The following FUT8 variants were observed in gnomAD, a reference collection of about 807,000 sequenced individuals.
The protein encoded by FUT8 is alpha-(1,6)-fucosyltransferase.
A neutral mutation model predicts 71.3 loss-of-function variants in FUT8; 29 were observed. That is an observed-to-expected ratio of 0.41 (90% CI 0.30 to 0.55). The LOEUF (loss-of-function observed/expected upper bound fraction) is 0.55. FUT8 is among the 20% of genes least tolerant of loss of function. FUT8 has a pLI of 0.34. For missense variants in FUT8, 544 were observed against 702.1 expected (o/e 0.77, Z 2.55); for synonymous variants, 254 against 239.3 (o/e 1.06, Z -0.57).
At chr14:65,577,842 G>A (rs1886875084) in intron 3 of FUT8, among the ~76,000 whole-genome samples, 1 of 151,938 alleles carries the variant, frequency 6.6e-6, no homozygotes, top group Admixed American at 6.6e-5. Context: ...AGCATAGAAT[G>A]GGCTTTATTT....
At position 65,660,260 on chromosome 14, in the gene FUT8, G is replaced by A. The variant is rs560664702; in HGVS notation, c.598-8983G>A. Reference sequence around the variant, plus strand: ...GAGGTAACAGAATACTGTCTTGAAAGCCTCAGTGGAAGAAATGCCCCACAT... The same window carrying A: ...GAGGTAACAGAATACTGTCTTGAAAACCTCAGTGGAAGAAATGCCCCACAT... On this transcript the variant is annotated intron_variant, in intron 6 of 10. Transcript: ENST00000673929. The surrounding 1 kb of genome is among the most constrained non-coding windows in gnomAD (Gnocchi z 4.1). 2.1e-4 allele frequency among the ~76,000 whole-genome samples: 32 copies of A among 152,202 alleles called. 2 individuals are homozygous for A. In the South Asian group the frequency reaches 6.7e-3, roughly 32 times the overall value.
intron 3 of FUT8, among the ~76,000 whole-genome samples, chr14:65,594,123 C>T (rs1016443504): frequency 6.6e-5 from 10 of 152,148 alleles, no homozygotes; most frequent in Non-Finnish European, 1.5e-4. Flanking sequence ...TTTTCTTGAC[C>T]CCTTTGTGGG....
intron 7 of FUT8, among the ~76,000 whole-genome samples, chr14:65,690,277 A>G (rs1893508424): frequency 1.3e-5 from 2 of 152,084 alleles, no homozygotes; most frequent in Non-Finnish European, 1.5e-5. Context: ...ATTACTTTAT[A>G]TATAAAGTAA....
At chr14:65,357,561 C>T in the FUT8 span, among the ~76,000 whole-genome samples, 2 of 152,228 alleles carry the variant, frequency 1.3e-5, no homozygotes, top group African/African-American at 4.8e-5. Context: ...CCCAACACAT[C>T]TCCATCATAG....
chr14:65,616,637 G>T (rs995629626), intron 5 of FUT8, among the ~76,000 whole-genome samples: 3 of 152,142 alleles, frequency 2.0e-5, no homozygotes, highest in African/African-American at 7.2e-5. Flanking sequence ...AGTGGTGCCA[G>T]CCAACAATAC....
intron 10 of FUT8, among the ~76,000 whole-genome samples, chr14:65,741,536 T>C (rs1896499902): frequency 6.6e-6 from 1 of 151,970 alleles, no homozygotes; most frequent in Admixed American, 6.6e-5. Flanking sequence ...CTGCACGTTG[T>C]GCACGTGTAC....
In FUT8 at chr14:65,649,369, G is replaced by A. The variant is rs188071441; in HGVS notation, c.597+19763G>A. 1.5e-3 allele frequency among the ~76,000 whole-genome samples: 233 copies of A among 152,324 alleles called. 2 individuals carry two copies. The highest frequency in any genetic ancestry group is 5.3e-3 in the African/African-American group (220 of 41,574). ...TTAATCTGAATCTTCTTCCCTTGGA[G>A]TGATAGCCGAACTTGCTGAGTTTGT... On this transcript the variant is annotated intron_variant, in intron 6 of 10. Coordinates refer to ENST00000673929, the MANE Select transcript of FUT8 (RefSeq NM_001371533.1).
intron 2 of FUT8, among the ~76,000 whole-genome samples, chr14:65,514,484 A>G (rs1053095807): frequency 1.1e-4 from 17 of 152,202 alleles, no homozygotes; most frequent in African/African-American, 4.1e-4. Context: ...CGTATGTATG[A>G]CCAAACCCTT....
chr14:65,607,006 C>A lies in FUT8; in HGVS notation c.204-8972C>A, dbSNP rs1245145938. ...GTTGTAAATGTGATATTTTAAAAAA[C>A]ACATTTAGTAATTTGTGGTTGTTGT... is the stretch of plus-strand genomic sequence containing the variant. On this transcript the variant is annotated intron_variant, in intron 3 of 10. Coordinates refer to ENST00000673929, the MANE Select transcript of FUT8 (RefSeq NM_001371533.1). This position sits in a 1 kb window ranked among gnomAD's most constrained non-coding sequence, Gnocchi z 4.1. 1.3e-5 allele frequency among the ~76,000 whole-genome samples: 2 copies of A among 151,882 alleles called. No individual in the cohort carries two copies. Among genetic ancestry groups the A allele is most frequent in the South Asian group, 2.1e-4 (1 of 4,798 alleles).
intron 3 of FUT8, among the ~76,000 whole-genome samples, chr14:65,595,678 G>A (rs1055962224): frequency 2.2e-5 from 3 of 136,290 alleles, no homozygotes; most frequent in Non-Finnish European, 3.0e-5. Context: ...GTGGGATCTC[G>A]GCTCACTGCA....
intron 3 of FUT8, among the ~76,000 whole-genome samples, chr14:65,563,160 T>C (rs1192583494): frequency 6.6e-6 from 1 of 152,046 alleles, no homozygotes; most frequent in Non-Finnish European, 1.5e-5. Context: ...TATTATTTTC[T>C]TTCCTACTTG....
At chr14:65,726,645 G>C (rs746557258) in intron 9 of FUT8, among the ~76,000 whole-genome samples, 1 of 152,120 alleles carries the variant, frequency 6.6e-6, no homozygotes, top group Non-Finnish European at 1.5e-5. Flanking sequence ...GATTTGGGTG[G>C]AGACACAGCC....
At chr14:65,645,838 A>T (rs1271785316) in intron 6 of FUT8, 3 of 152,234 alleles carry the variant, frequency 2.0e-5, no homozygotes, top group African/African-American at 7.2e-5. Flanking sequence ...ATCACAGTGC[A>T]ATCTCTCACC....
In FUT8 at chr14:65,693,194, C is replaced by T. The variant is rs1427343251; in HGVS notation, c.835+23714C>T. ...AGGTTGTAGCGAGCCGAGATCACGCCACTGCACTCCAGCCTGGGCACCATT... is the reference window on the plus strand; with the variant it reads ...AGGTTGTAGCGAGCCGAGATCACGCTACTGCACTCCAGCCTGGGCACCATT... On this transcript the variant is annotated intron_variant, in intron 7 of 10. Transcript: ENST00000673929. Among the ~76,000 whole-genome samples, 11 of 152,360 alleles carry T rather than the reference C, an allele frequency of 7.2e-5. No individual in the cohort carries two copies. In the East Asian group the frequency reaches 2.1e-3, roughly 29 times the overall value.
intron 7 of FUT8, among the ~76,000 whole-genome samples, chr14:65,694,740 G>T (rs979698799): frequency 6.6e-6 from 1 of 151,932 alleles, no homozygotes; most frequent in African/African-American, 2.4e-5. Context: ...CATGTCCTTT[G>T]TAGGGACATG....
chr14:65,702,237 C>G (rs1894335572), intron 7 of FUT8, among the ~76,000 whole-genome samples: 1 of 151,246 alleles, frequency 6.6e-6, no homozygotes, highest in Admixed American at 6.6e-5. Flanking sequence ...CCCAGCTACT[C>G]AGGAGGCTGA....
intron 7 of FUT8, among the ~76,000 whole-genome samples, chr14:65,677,520 GA>G (rs1365873418): frequency 1.3e-5 from 2 of 152,046 alleles, no homozygotes; most frequent in Non-Finnish European, 2.9e-5. Flanking sequence ...AAGTCATACT[GA>G]TTTTCCCAAA....
intron 6 of FUT8, among the ~76,000 whole-genome samples, chr14:65,631,741 G>C (rs145878750): frequency 6.6e-6 from 1 of 151,980 alleles, no homozygotes; most frequent in Non-Finnish European, 1.5e-5. Flanking sequence ...TGGAGTACAG[G>C]TGGTATTTGA....
intron 2 of FUT8, among the ~76,000 whole-genome samples, chr14:65,480,666 A>G (rs1312270950): frequency 6.6e-6 from 1 of 151,894 alleles, no homozygotes; most frequent in Non-Finnish European, 1.5e-5. Context: ...TGTATCCAGA[A>G]GTGGAATCAC....
Sources: gnomAD v4.1 joint callset for allele counts (sites outside exome capture counted in the v4.1 genomes callset) on GRCh38, gnomAD v4.1.1 for gene constraint, Gnocchi (gnomAD v3.1) non-coding constraint, MANE v1.5 for transcripts, NCBI Gene and HGNC (gene_info 2026-07-23, HGNC 2026-07-21) for gene names.